The following AOAH variants were observed in gnomAD, a reference collection of about 807,000 sequenced individuals.
AOAH encodes the protein acyloxyacyl hydrolase.
Under a neutral mutation model 92.2 loss-of-function variants are expected in AOAH, and 64 were observed. That is an observed-to-expected ratio of 0.69 (90% confidence interval 0.57 to 0.86). The LOEUF is 0.86. AOAH is among the 40% of genes least tolerant of loss of function. AOAH has a pLI of 0.00. For missense variants in AOAH, 656 were observed against 694.6 expected, an observed-to-expected ratio of 0.94 and a Z score of 0.62; for synonymous variants, 263 against 254.5, an observed-to-expected ratio of 1.03 and a Z score of -0.32.
chr7:36,566,094 C>CTT (rs35521941), intron 13 of AOAH, among the ~76,000 whole-genome samples: 6,600 of 119,742 alleles, frequency 0.055, 207 homozygotes, highest in East Asian at 0.15. Flanking sequence ...GTAATACTGG[C>CTT]TTTTTTTTTT....
At chr7:36,598,018 G>A (rs748146455) in intron 11 of AOAH, 1 of 152,142 alleles carries the variant, frequency 6.6e-6, no homozygotes, top group African/African-American at 2.4e-5. Context: ...CTTCAGTGGC[G>A]GAAGAGGGGA....
intron 12 of AOAH, among the ~76,000 whole-genome samples, chr7:36,585,760 A>G (rs1297729509): frequency 6.6e-6 from 1 of 152,196 alleles, no homozygotes; most frequent in Admixed American, 6.5e-5. Context: ...TTCATGTACA[A>G]ATGAAAATAC....
chr7:36,532,287 T>G lies in AOAH; in HGVS notation c.1364A>C (p.Gln455Pro). 6.2e-7 allele frequency: 1 copy of G among 1,614,200 alleles called. No individual in the cohort carries two copies. The highest frequency in any genetic ancestry group is 8.5e-7 in the Non-Finnish European group (1 of 1,180,036). The change falls in exon 17 of 21, where the codon CAG (glutamine) becomes CCG (proline). Residue 455 changes from glutamine (Q) to proline (P), a missense_variant and splice_region_variant. Gln to Pro is a moderately conservative substitution (Grantham distance 76). Transcript: ENST00000617537. Reference sequence around the variant, plus strand: ...TGAAGCAAGCCAGTGAGTGCTCACCTGGAGGCAGTTCAGGAAGGAGTACAA... The same window carrying G: ...TGAAGCAAGCCAGTGAGTGCTCACCGGGAGGCAGTTCAGGAAGGAGTACAA... ...AQLYSFLNCL[Q>P]VSPCHGWMSS...
At chr7:36,514,682 C>T in intron 20 of AOAH, 1 of 869,732 alleles carries the variant, frequency 1.1e-6, no homozygotes, top group Non-Finnish European at 1.8e-6. Context: ...CAATGCTGAG[C>T]AATGAGAAAT....
chr7:36,539,077 A>G lies in AOAH; in HGVS notation c.1306+1242T>C, dbSNP rs1332480025. 2.0e-5 allele frequency among the ~76,000 whole-genome samples: 3 copies of G among 152,208 alleles called. No homozygotes were observed. The East Asian group carries it at 5.8e-4, about 29-fold the overall frequency. Reference sequence around the variant, plus strand: ...TAGACAGGGACTGCAGGAAGAGGACAAGAGAAGACTGGAAAGATTCACACA... The same window carrying G: ...TAGACAGGGACTGCAGGAAGAGGACGAGAGAAGACTGGAAAGATTCACACA... On this transcript the variant is annotated intron_variant, in intron 16 of 20. Transcript: ENST00000617537.
Position 36,548,703 on chromosome 7 carries a change from G to A in AOAH, c.1059-17C>T, listed in dbSNP as rs945184849. 3.1e-6 allele frequency: 5 copies of A among 1,608,012 alleles called. No individual in the cohort carries two copies. Among genetic ancestry groups the A allele is most frequent in the Non-Finnish European group, 4.3e-6 (5 of 1,174,838 alleles). On this transcript the variant is annotated splice_polypyrimidine_tract_variant and intron_variant, in intron 14 of 20. Transcript: ENST00000617537. ...CTAGACAAGCTGAGAAGGCATAGAT[G>A]GAATCTGAATGTCAGATACTTGGAA...
chr7:36,663,604 A>T (rs1171276747), intron 3 of AOAH, among the ~76,000 whole-genome samples: 2 of 152,142 alleles, frequency 1.3e-5, no homozygotes, highest in Admixed American at 6.6e-5. Context: ...TCACTTAGTA[A>T]CACGCATTTA....
chr7:36,572,830 TG>T lies in AOAH; in HGVS notation c.1021+3743del, dbSNP rs1788227798. On this transcript the variant is annotated intron_variant, in intron 13 of 20. Transcript: ENST00000617537. Reference sequence around the variant, plus strand: ...ATAACTGGCTTTAATGGAGAAAAGCTGGGTTTGCAAAAGATGAGAAGGTAGC... The same window carrying T: ...ATAACTGGCTTTAATGGAGAAAAGCTGGTTTGCAAAAGATGAGAAGGTAGC... 2.0e-5 allele frequency among the ~76,000 whole-genome samples: 3 copies of T among 152,318 alleles called. No homozygotes were observed. The South Asian group carries it at 6.2e-4, about 32-fold the overall frequency.
intron 11 of AOAH, among the ~76,000 whole-genome samples, chr7:36,598,918 A>T (rs1178871610): frequency 6.6e-6 from 1 of 152,202 alleles, no homozygotes; most frequent in Non-Finnish European, 1.5e-5. Flanking sequence ...ATTCCTCTTG[A>T]GCATTTATGT....
intron 15 of AOAH, 94 bp from the exon 16 acceptor site, chr7:36,540,585 C>T (rs1009575124): frequency 4.1e-5 from 45 of 1,095,464 alleles, no homozygotes; most frequent in African/African-American, 1.1e-4. Flanking sequence ...CACACACATA[C>T]GCACACACAC....
At position 36,608,868 on chromosome 7, in the gene AOAH, T is replaced by C. The variant is rs189353610; in HGVS notation, c.846+7512A>G. Reference sequence around the variant, plus strand: ...TGTCCAGTTTGGACAATAAATTATATGCTCACCATAACTATTAATATTAGG... The same window carrying C: ...TGTCCAGTTTGGACAATAAATTATACGCTCACCATAACTATTAATATTAGG... On this transcript the variant is annotated intron_variant, in intron 11 of 20. Transcript: ENST00000617537. Among the ~76,000 whole-genome samples the C allele has an allele frequency of 1.5e-3, 205 of 140,528 alleles. 1 individual carries two copies. The highest frequency in any genetic ancestry group is 6.1e-3 in the East Asian group (29 of 4,740). 92.2% of individuals were successfully genotyped at this position (140,528 alleles called of 152,430 possible).
chr7:36,587,271 CAA>C (rs57475443), intron 12 of AOAH, among the ~76,000 whole-genome samples: 8,632 of 85,064 alleles, frequency 0.1, 209 homozygotes, highest in South Asian at 0.18. Context: ...GACTCCGTCT[CAA>C]AAAAAAAAAA....
intron 11 of AOAH, among the ~76,000 whole-genome samples, chr7:36,607,613 C>T (rs1278752450): frequency 1.3e-5 from 2 of 152,212 alleles, no homozygotes; most frequent in Admixed American, 6.5e-5. Context: ...AACATACACT[C>T]TTCCGGTTAT....
intron 13 of AOAH, among the ~76,000 whole-genome samples, chr7:36,569,597 A>G (rs1450338918): frequency 6.6e-6 from 1 of 151,164 alleles, no homozygotes; most frequent in African/African-American, 2.4e-5. Flanking sequence ...CTATCTATCT[A>G]TCTATCTATC....
chr7:36,566,359 C>CTT (rs11363143), intron 13 of AOAH, among the ~76,000 whole-genome samples: 21 of 120,686 alleles, frequency 1.7e-4, no homozygotes, highest in South Asian at 1.6e-3. Flanking sequence ...TCATCCTTAA[C>CTT]TTTTTTTTTT....
rs545528901 is a variant in AOAH, at chr7:36,563,999, A to AT, written c.1021+12574dup. 4.3e-4 allele frequency among the ~76,000 whole-genome samples: 66 copies of AT among 152,304 alleles called. No homozygotes were observed. The East Asian group carries it at 5.6e-3, about 13-fold the overall frequency. On this transcript the variant is annotated intron_variant, in intron 13 of 20. Transcript: ENST00000617537. Reference sequence around the variant, plus strand: ...AGCTAAATGATTCTCTAAAACATAGATTTTTAAAAGGATGCATAATAATAG... The same window carrying AT: ...AGCTAAATGATTCTCTAAAACATAGATTTTTTAAAAGGATGCATAATAATAG...
chr7:36,623,291 A>G lies in AOAH; in HGVS notation c.522-41T>C, dbSNP rs1385236085. On this transcript the variant is annotated intron_variant, in intron 6 of 20. Transcript: ENST00000617537. ...CAAAACAATCGGTGAGCTAACAAAA[A>G]AAGTAACAGTGTTGGTGAAAACAAA... 7.6e-6 allele frequency: 12 copies of G among 1,576,108 alleles called. No individual in the cohort carries two copies. The East Asian group carries it at 2.7e-4, about 35-fold the overall frequency.
intron 4 of AOAH, among the ~76,000 whole-genome samples, chr7:36,643,491 C>T (rs1041899632): frequency 3.3e-5 from 5 of 152,068 alleles, no homozygotes; most frequent in African/African-American, 1.2e-4. Context: ...AAGCCACGCA[C>T]CTGGGTGGAA....
At chr7:36,552,697 C>T (rs1786360433) in intron 13 of AOAH, among the ~76,000 whole-genome samples, 1 of 152,186 alleles carries the variant, frequency 6.6e-6, no homozygotes, top group Non-Finnish European at 1.5e-5. Flanking sequence ...GCTGCTCTGA[C>T]TGTCATTTTC....
Sources: allele counts gnomAD v4.1 joint callset (sites outside exome capture counted in the v4.1 genomes callset), GRCh38; gene constraint gnomAD v4.1.1; transcripts MANE v1.5; gene names NCBI Gene and HGNC (gene_info 2026-07-23, HGNC 2026-07-21).